The following CSF2RA variants were observed in gnomAD, a reference collection of about 807,000 sequenced individuals.
The protein encoded by CSF2RA is colony stimulating factor 2 receptor subunit alpha, also known as granulocyte-macrophage colony-stimulating factor receptor subunit alpha.
Under a neutral mutation model 51.6 loss-of-function variants are expected in CSF2RA, and 42 were observed. That is an observed-to-expected ratio of 0.81 (90% CI 0.64 to 1.05). The LOEUF is 1.05. Among genes scored for constraint, CSF2RA ranks in the 50% least tolerant of loss-of-function variants. The probability of loss-of-function intolerance (pLI) is 0.00; values close to 1 mark genes in which losing one functional copy is unlikely to be tolerated. For synonymous variants in CSF2RA, 222 were observed against 193.0 expected, an observed-to-expected ratio of 1.15 and a Z score of -1.24; for missense variants, 530 against 501.1, an observed-to-expected ratio of 1.06 and a Z score of -0.55.
At chrX:1,279,828 C>T (rs1353838322) in intron 2 of CSF2RA, among the ~76,000 whole-genome samples, 10 of 151,818 alleles carry the variant, frequency 6.6e-5, no homozygotes, top group Non-Finnish European at 1.0e-4. Context: ...CTCCCTCTGT[C>T]ACCCAGGCTG....
chrX:1,300,323 A>G (rs1285310961), intron 9 of CSF2RA, 168 bp from the exon 10 acceptor site: 53 of 786,598 alleles, frequency 6.7e-5, no homozygotes, highest in Non-Finnish European at 9.5e-5. Context: ...GACTCTGCTT[A>G]GCTTCGAAGA....
intron 9 of CSF2RA, among the ~76,000 whole-genome samples, chrX:1,296,180 C>G (rs764273590): frequency 1.3e-5 from 2 of 151,122 alleles, no homozygotes; most frequent in East Asian, 3.9e-4. Context: ...GTCACTACAC[C>G]TAGTGTAACT....
At chrX:1,301,347 A>G (rs1274634270) in intron 10 of CSF2RA, among the ~76,000 whole-genome samples, 9 of 148,390 alleles carry the variant, frequency 6.1e-5, no homozygotes, top group Non-Finnish European at 1.2e-4. Context: ...AAAAAAAAAA[A>G]AAAAAAAGAA....
chrX:1,322,439 G>GTTTTTTTTTTTTTTTTTTTT, the CSF2RA span, among the ~76,000 whole-genome samples: 1 of 120,690 alleles, frequency 8.3e-6, no homozygotes, highest in Non-Finnish European at 1.6e-5. Context: ...GTGTGTGTTT[G>GTTTTTTTTTTTTTTTTTTTT]TTTTTTTTTT....
At chrX:1,280,486 A>G (rs1360289229) in intron 2 of CSF2RA, among the ~76,000 whole-genome samples, 5 of 147,364 alleles carry the variant, frequency 3.4e-5, no homozygotes, top group African/African-American at 1.2e-4. Context: ...AAAAAAAAAA[A>G]AAAAGAAGAA....
chrX:1,319,972 T>C, the CSF2RA span, among the ~76,000 whole-genome samples: 2 of 143,808 alleles, frequency 1.4e-5, 1 homozygote, highest in Non-Finnish European at 3.1e-5. Flanking sequence ...CTCGGCTCAC[T>C]GCAAGCTCTG....
downstream of CSF2RA, among the ~76,000 whole-genome samples, chrX:1,314,915 A>T (rs1216858156): frequency 1.4e-5 from 1 of 73,138 alleles, no homozygotes; most frequent in African/African-American, 7.7e-5. Context: ...ACCCCACTTC[A>T]CCTGCCCAAC....
intron 1 of CSF2RA, among the ~76,000 whole-genome samples, chrX:1,269,622 CA>C (rs1304105564): frequency 2.7e-5 from 2 of 75,152 alleles, no homozygotes; most frequent in South Asian, 4.9e-4. Flanking sequence ...GATTCTGTCT[CA>C]AAAAAAAGAA....
At chrX:1,320,513 T>TC in the CSF2RA span, among the ~76,000 whole-genome samples, 4 of 151,000 alleles carry the variant, frequency 2.6e-5, no homozygotes, top group Admixed American at 6.6e-5. Flanking sequence ...TTTTTTTTTT[T>TC]CCGAGACGGA....
At chrX:1,316,128 GATAC>G in the CSF2RA span, among the ~76,000 whole-genome samples, 598 of 148,756 alleles carry the variant, frequency 4.0e-3, 4 homozygotes, top group African/African-American at 0.014. Context: ...TACATAGACA[GATAC>G]ATAGATAGAT....
rs1389325744 is a variant in CSF2RA, at chrX:1,288,616, A to G, written c.317A>G (p.Gln106Arg). 6.2e-7 allele frequency: 1 copy of G among 1,613,900 alleles called. No individual in the cohort carries two copies. Among genetic ancestry groups the G allele is most frequent in the Non-Finnish European group, 8.5e-7 (1 of 1,179,888 alleles). ...VHVNTSQRGFQQKLLYPNSGR... is the reference protein window; with the variant it reads ...VHVNTSQRGFRQKLLYPNSGR... ...GTGAATACTAGTCAAAGAGGATTTCAACAGAAACTGCTTTATCCAAATTCA... is the reference window on the plus strand; with the variant it reads ...GTGAATACTAGTCAAAGAGGATTTCGACAGAAACTGCTTTATCCAAATTCA... Residue 106 changes from glutamine to arginine, a missense_variant, in exon 5 of 13, where the codon CAA becomes CGA. Gln to Arg is a conservative substitution (Grantham distance 43). Coordinates refer to ENST00000381529, the MANE Select transcript of CSF2RA (RefSeq NM_172245.4).
chrX:1,320,643 G>A, the CSF2RA span, among the ~76,000 whole-genome samples: 4 of 149,008 alleles, frequency 2.7e-5, no homozygotes, highest in South Asian at 2.1e-4. Context: ...GACTACAGGC[G>A]CCCACCATCA....
intron 2 of CSF2RA, among the ~76,000 whole-genome samples, chrX:1,280,862 C>CCTCCTCCTCCTCCTTCTCCTGCTCCTT (rs1556503362): frequency 7.7e-6 from 1 of 130,346 alleles, no homozygotes; most frequent in African/African-American, 2.7e-5. Context: ...TTCTCCTCCT[C>CCTCCTCCTCCTCCTTCTCCTGCTCCTT]CTCCTCCTCC....
chrX:1,283,607 G>A (rs1170698613), intron 3 of CSF2RA, among the ~76,000 whole-genome samples: 3 of 144,388 alleles, frequency 2.1e-5, no homozygotes, highest in Non-Finnish European at 3.0e-5. Context: ...CCCTCTTGTT[G>A]CCCAGGCTGG....
intron 1 of CSF2RA, among the ~76,000 whole-genome samples, chrX:1,272,781 G>A (rs1163146072): frequency 1.4e-5 from 2 of 145,448 alleles, no homozygotes; most frequent in South Asian, 2.2e-4. Flanking sequence ...ATGAGCCACT[G>A]CACCTAGCTT....
the CSF2RA span, among the ~76,000 whole-genome samples, chrX:1,324,413 G>GAAA: frequency 7.3e-6 from 1 of 136,908 alleles, no homozygotes; most frequent in Non-Finnish European, 1.5e-5. Context: ...GGAAAAGAAA[G>GAAA]GAAAGAAAAA....
In CSF2RA at chrX:1,294,342, C is replaced by G. The variant is rs2091709805; in HGVS notation, c.661C>G (p.Pro221Ala). 2 of 1,613,632 alleles carry G rather than the reference C, an allele frequency of 1.2e-6. No homozygotes were observed. Among genetic ancestry groups the G allele is most frequent in the Non-Finnish European group, 8.5e-7 (1 of 1,179,848 alleles). Residue 221 changes from proline to alanine, a missense_variant, in exon 8 of 13, where the codon CCC becomes GCC. Coordinates refer to ENST00000381529, the MANE Select transcript of CSF2RA (RefSeq NM_172245.4). ...CCTCGTTACAGAACGATTCAACCCT[C>G]CCAGCAATGTCACCGTACGTTGCAA... is the stretch of plus-strand genomic sequence containing the variant. ...DTKKIERFNP[P>A]SNVTVRCNTT...
At chrX:1,269,110 A>AAAAAT (rs764788305) in intron 1 of CSF2RA, among the ~76,000 whole-genome samples, 1 of 152,100 alleles carries the variant, frequency 6.6e-6, no homozygotes, top group Admixed American at 6.6e-5. Context: ...GCAAAATTAA[A>AAAAAT]AAAATAAAAT....
intron 7 of CSF2RA, 90 bp from the exon 8 acceptor site, chrX:1,294,238 G>T: frequency 2.0e-6 from 3 of 1,513,542 alleles, no homozygotes; most frequent in Non-Finnish European, 2.8e-6. Flanking sequence ...ACCCAGTGTA[G>T]ACAGGAGGAG....
Sources: allele counts gnomAD v4.1 joint callset (sites outside exome capture counted in the v4.1 genomes callset), GRCh38; gene constraint gnomAD v4.1.1; transcripts MANE v1.5; gene names NCBI Gene and HGNC (gene_info 2026-07-23, HGNC 2026-07-21).